The following MAP3K9 variants were observed in gnomAD, a reference collection of about 807,000 sequenced individuals.
MAP3K9 encodes mitogen-activated protein kinase kinase kinase 9, also known as mixed lineage kinase 1 (tyr and ser/thr specificity).
MAP3K9 carries 46 observed loss-of-function variants against 95.8 expected under a neutral mutation model. The observed-to-expected ratio is 0.48, with a 90% CI of 0.38 to 0.61. The LOEUF is 0.61. Ranked by LOEUF, MAP3K9 falls within the 20% of genes least tolerant of loss-of-function variation. The pLI, the probability that MAP3K9 is intolerant of heterozygous loss-of-function variation, is 0.00. For missense variants in MAP3K9, 1,296 were observed against 1,474.3 expected (o/e 0.88, Z 1.98); for synonymous variants, 533 against 593.8 (o/e 0.90, Z 1.49).
chr14:70,733,496 C>G lies in MAP3K9; in HGVS notation c.2027-154G>C. ...GATGAGCAGGACATGGAATTGAACA[C>G]TGAACCAAGGGGGCTTTATCCACCC... On this transcript the variant is annotated intron_variant, in intron 10 of 11. Coordinates refer to ENST00000554752, the MANE Select transcript of MAP3K9 (RefSeq NM_001284230.2). The G allele has an allele frequency of 5.0e-6, 3 of 603,686 alleles. No homozygotes were observed. In the Admixed American group the frequency reaches 8.9e-5, roughly 18 times the overall value. The allele number at this position is 603,686 out of a possible 1,614,324, so 37.4% of individuals were successfully genotyped here.
chr14:70,749,709 T>G, intron 4 of MAP3K9: 1 of 496,114 alleles, frequency 2.0e-6, no homozygotes, highest in Non-Finnish European at 3.5e-6. Flanking sequence ...AGCAGGCTTT[T>G]GTTACTAATT....
chr14:70,774,983 C>CAGAAAAAAAAAAAAAAAAAAAAAAAAAAA (rs2054577676), intron 2 of MAP3K9, among the ~76,000 whole-genome samples: 1 of 55,096 alleles, frequency 1.8e-5, no homozygotes, highest in Non-Finnish European at 3.0e-5. Context: ...ACTCTGTCCC[C>CAGAAAAAAAAAAAAAAAAAAAAAAAAAAA]AAAAAAAAAA....
At chr14:70,741,244 C>T (rs547060572) in intron 6 of MAP3K9, among the ~76,000 whole-genome samples, 4 of 152,302 alleles carry the variant, frequency 2.6e-5, no homozygotes, top group Admixed American at 2.6e-4. Context: ...GCATGTACCA[C>T]CATGCCCGGC....
intron 3 of MAP3K9, among the ~76,000 whole-genome samples, chr14:70,758,980 A>C (rs2054333935): frequency 6.6e-6 from 1 of 152,246 alleles, no homozygotes; most frequent in South Asian, 2.1e-4. Flanking sequence ...TAAATGAAAG[A>C]AGCCTAGTCA....
At chr14:70,751,212 T>A (rs1594778739) in intron 3 of MAP3K9, among the ~76,000 whole-genome samples, 2 of 152,198 alleles carry the variant, frequency 1.3e-5, no homozygotes, top group East Asian at 3.9e-4. Context: ...GAATGTGGAG[T>A]ACAAAGCTTA....
At chr14:70,736,116 T>C in intron 8 of MAP3K9, 87 bp from the exon 9 acceptor site, 2 of 844,110 alleles carry the variant, frequency 2.4e-6, no homozygotes, top group Non-Finnish European at 2.1e-6. Context: ...AAGGCTGGAT[T>C]CACACCACAT....
intron 7 of MAP3K9, 81 bp from the exon 8 acceptor site, chr14:70,738,479 C>T: frequency 6.5e-6 from 8 of 1,232,472 alleles, no homozygotes; most frequent in Non-Finnish European, 9.3e-6. Flanking sequence ...CCACCACACA[C>T]ACACACACAT....
At chr14:70,805,387 C>T (rs931834661) in intron 1 of MAP3K9, among the ~76,000 whole-genome samples, 1 of 152,036 alleles carries the variant, frequency 6.6e-6, no homozygotes, top group Non-Finnish European at 1.5e-5. Context: ...CATATAATAC[C>T]TAGGATTGCA....
chr14:70,770,266 C>T (rs1348381280), intron 2 of MAP3K9, among the ~76,000 whole-genome samples: 2 of 152,150 alleles, frequency 1.3e-5, no homozygotes, highest in African/African-American at 4.8e-5. Context: ...CTGCAACCTC[C>T]ACTTCCTGGG....
At chr14:70,739,847 G>A (rs1028156261) in intron 7 of MAP3K9, 195 bp downstream of exon 7, 10 of 1,506,652 alleles carry the variant, frequency 6.6e-6, no homozygotes, top group Non-Finnish European at 8.9e-6. Flanking sequence ...AGAGGGGGCA[G>A]TAGTAAAGTT....
chr14:70,785,554 G>A (rs2054735932), intron 2 of MAP3K9, among the ~76,000 whole-genome samples: 1 of 152,134 alleles, frequency 6.6e-6, no homozygotes, highest in South Asian at 2.1e-4. Flanking sequence ...TGAAAAAATG[G>A]GTACGTGATG....
At chr14:70,760,304 A>G (rs551975919) in intron 3 of MAP3K9, among the ~76,000 whole-genome samples, 4 of 152,262 alleles carry the variant, frequency 2.6e-5, no homozygotes, top group East Asian at 3.9e-4. Context: ...TATACTAGGT[A>G]GTTGCTCATC....
intron 1 of MAP3K9, among the ~76,000 whole-genome samples, chr14:70,806,596 C>T (rs142406062): frequency 8.1e-4 from 124 of 152,362 alleles, no homozygotes; most frequent in African/African-American, 2.1e-3. Flanking sequence ...TCCAAGATAA[C>T]TTGTATGACA....
chr14:70,801,237 G>A (rs749086614), intron 1 of MAP3K9, among the ~76,000 whole-genome samples, 157 bp from the exon 2 acceptor site: 2 of 152,130 alleles, frequency 1.3e-5, no homozygotes, highest in Non-Finnish European at 2.9e-5. Context: ...GGCAGGAACT[G>A]CAATCAACTT....
In MAP3K9 at chr14:70,734,477, T is replaced by A. The variant is rs753883784; in HGVS notation, c.1935A>T (p.Gly645=). The change falls in exon 10 of 12, where the codon GGA becomes GGT. Residue 645 remains glycine (G), a synonymous_variant. Transcript: ENST00000554752. ...FHLGLKSLVD[G]YKQWSSSAPN... ...GGGCACTGGACGACCACTGCTTATA[T>A]CCATCTACCAGGGACTTGAGGCTGA... 2.5e-6 allele frequency: 4 copies of A among 1,611,532 alleles called. No homozygotes were observed. In the South Asian group the frequency reaches 3.3e-5, roughly 13 times the overall value.
At chr14:70,797,536 G>C (rs573252442) in intron 2 of MAP3K9, among the ~76,000 whole-genome samples, 1 of 152,060 alleles carries the variant, frequency 6.6e-6, no homozygotes, top group Non-Finnish European at 1.5e-5. Context: ...TCAGGAGTTC[G>C]AGACCAGGCT....
intron 3 of MAP3K9, among the ~76,000 whole-genome samples, chr14:70,753,452 T>C (rs970057204): frequency 3.3e-5 from 5 of 152,148 alleles, no homozygotes; most frequent in African/African-American, 1.2e-4. Context: ...TGGTATTCTG[T>C]TGGTGGGAAA....
In MAP3K9 at chr14:70,808,804, G is replaced by A. The variant is rs1323442210; in HGVS notation, c.368C>T (p.Pro123Leu). ...PRSAFSSRCQ[P>L]GGEDPSCYPP... The stretch of plus-strand genomic sequence containing the variant: ...GTAGCAACTGGGGTCCTCGCCGCCG[G>A]GCTGGCAGCGGCTGGAGAAGGCGCT... The change falls in exon 1 of 12, where the codon CCC becomes CTC. Residue 123 changes from proline (P) to leucine (L), a missense_variant. Around this residue, in one of 5 missense-constraint regions of MAP3K9, gnomAD observed 338 missense variants for 363.4 expected, o/e 0.93. Transcript: ENST00000554752. The A allele has an allele frequency of 6.3e-7, 1 of 1,593,018 alleles. No homozygotes were observed.
In MAP3K9 at chr14:70,741,303, T is replaced by TG. The variant is rs552416419; in HGVS notation, c.1567+1047dup. ...CGGGGTATCTGCATGTTGGTCAGGCTGGTCTCGAACTCCTGACCTCAGATG... is the reference window on the plus strand; with the variant it reads ...CGGGGTATCTGCATGTTGGTCAGGCTGGGTCTCGAACTCCTGACCTCAGATG... On this transcript the variant is annotated intron_variant, in intron 6 of 11. Transcript: ENST00000554752. 9.2e-5 allele frequency among the ~76,000 whole-genome samples: 14 copies of TG among 152,300 alleles called. No individual in the cohort carries two copies. The East Asian group carries it at 2.7e-3, about 29-fold the overall frequency.
Sources: gnomAD v4.1 joint callset for allele counts (sites outside exome capture counted in the v4.1 genomes callset) on GRCh38, gnomAD v4.1.1 for gene constraint, gnomAD v4.1.1 regional missense constraint, MANE v1.5 for transcripts, NCBI Gene and HGNC (gene_info 2026-07-23, HGNC 2026-07-21) for gene names.